Variants in WLS observed in about 807,000 individuals in gnomAD.
WLS encodes the protein protein wntless homolog.
Under a neutral mutation model 62.8 loss-of-function variants are expected in WLS, and 23 were observed. The observed-to-expected ratio is 0.37, with a 90% CI of 0.26 to 0.52. The LOEUF is 0.52. Among genes scored for constraint, WLS ranks in the 20% least tolerant of loss-of-function variants. The pLI, the probability that WLS is intolerant of heterozygous loss-of-function variation, is 0.92. For missense variants in WLS, 615 were observed against 697.3 expected, an observed-to-expected ratio of 0.88 and a Z score of 1.33; for synonymous variants, 246 against 244.1, an observed-to-expected ratio of 1.01 and a Z score of -0.07.
rs1647207853 is a variant in WLS, at chr1:68,174,759, AC to A, written c.380-15513del. Reference sequence around the variant, plus strand: ...GGTCTCTACATGCATCACTCCACACACCTGCCCCGAATGCCATCTCCTCCCT... The same window carrying A: ...GGTCTCTACATGCATCACTCCACACACTGCCCCGAATGCCATCTCCTCCCT... On this transcript the variant is annotated intron_variant, in intron 2 of 11. Coordinates refer to ENST00000262348, the MANE Select transcript of WLS (RefSeq NM_024911.7). Among the ~76,000 whole-genome samples the A allele has an allele frequency of 2.6e-5, 4 of 152,022 alleles. No homozygotes were observed. In the South Asian group the frequency reaches 8.3e-4, roughly 32 times the overall value.
intron 11 of WLS, chr1:68,127,150 GCACCACT>G (rs1646444155): frequency 2.8e-6 from 1 of 362,590 alleles, no homozygotes; most frequent in African/African-American, 2.2e-5. Context: ...AGCTATGATT[GCACCACT>G]CACTCCAGCC....
chr1:68,125,855 A>G lies in WLS; in HGVS notation c.*371T>C, dbSNP rs912489129. The G allele has an allele frequency of 1.1e-4, 111 of 1,024,162 alleles. No individual in the cohort carries two copies. Among genetic ancestry groups the G allele is most frequent in the Admixed American group, 2.7e-4 (5 of 18,644 alleles). The allele number at this position is 1,024,162 out of a possible 1,614,324, so 63.4% of individuals were successfully genotyped here. ...TATCCTAGAATTTAAAACAGGAAAA[A>G]TGTCAAATATTCCACTCCCCATTCG... is the stretch of plus-strand genomic sequence containing the variant. On this transcript the variant is annotated 3_prime_UTR_variant, in exon 12 of 12. Transcript: ENST00000262348.
intron 2 of WLS, among the ~76,000 whole-genome samples, chr1:68,165,052 G>T (rs1474763189): frequency 5.3e-5 from 8 of 152,130 alleles, no homozygotes. Flanking sequence ...CAAATCTTAG[G>T]CAATAAAGTA....
At chr1:68,168,717 T>C (rs1647100114) in intron 2 of WLS, among the ~76,000 whole-genome samples, 1 of 152,164 alleles carries the variant, frequency 6.6e-6, no homozygotes, top group Non-Finnish European at 1.5e-5. Context: ...GAGCTGCCAG[T>C]CACCAGAGTT....
chr1:68,232,306 GC>G lies in WLS; in HGVS notation c.-8del, dbSNP rs564442210. 1.3e-5 allele frequency: 21 copies of G among 1,612,424 alleles called. No homozygotes were observed. The highest frequency in any genetic ancestry group is 8.0e-5 in the African/African-American group (6 of 74,748). On this transcript the variant is annotated 5_prime_UTR_variant, in exon 1 of 12. Transcript: ENST00000262348. ...CTATAATTGCCCCAGCCATTTTTGC[GC>G]CCCCCCTTTTTCTTTTCTCCTTGAA...
chr1:68,220,806 T>C (rs1027254257), intron 1 of WLS, among the ~76,000 whole-genome samples: 1 of 152,230 alleles, frequency 6.6e-6, no homozygotes, highest in East Asian at 1.9e-4. Flanking sequence ...AAAGTAACAG[T>C]TCTGTCAAGT....
intron 2 of WLS, among the ~76,000 whole-genome samples, chr1:68,188,717 C>A (rs1246820080): frequency 6.6e-6 from 1 of 152,130 alleles, no homozygotes; most frequent in African/African-American, 2.4e-5. Context: ...AAGAGGCAGG[C>A]AGGATCAATA....
Position 68,232,247 on chromosome 1 carries a change from C to T in WLS, c.53G>A (p.Gly18Asp), listed in dbSNP as rs1405226335. Residue 18 changes from glycine (G) to aspartate (D), a missense_variant, in exon 1 of 12, where the codon GGT becomes GAT. Transcript: ENST00000262348. Reference protein sequence around the residue: ...NMSTKKLCIVGGILLVFQIIA... With the variant: ...NMSTKKLCIVDGILLVFQIIA... ...GATTTGGAACACGAGCAGAATCCCACCAACAATGCACAGCTTCTTGGTGCT... is the reference window on the plus strand; with the variant it reads ...GATTTGGAACACGAGCAGAATCCCATCAACAATGCACAGCTTCTTGGTGCT... 2.5e-6 allele frequency: 4 copies of T among 1,614,210 alleles called. No homozygotes were observed. The highest frequency in any genetic ancestry group is 3.4e-6 in the Non-Finnish European group (4 of 1,180,040).
At chr1:68,165,011 CAGAA>C (rs1340098322) in intron 2 of WLS, among the ~76,000 whole-genome samples, 26 of 152,148 alleles carry the variant, frequency 1.7e-4, no homozygotes, top group African/African-American at 5.8e-4. Context: ...CAGTGGTCAA[CAGAA>C]AGAATCAGTC....
At chr1:68,210,753 A>AAGAGG (rs1464568286) in intron 1 of WLS, among the ~76,000 whole-genome samples, 1 of 152,220 alleles carries the variant, frequency 6.6e-6, no homozygotes, top group Non-Finnish European at 1.5e-5. Context: ...TCATCACTAC[A>AAGAGG]AGAGGAGAGG....
Position 68,232,257 on chromosome 1 carries a change from A to C in WLS, c.43T>G (p.Cys15Gly), listed in dbSNP as rs1412473355. 2 of 1,614,094 alleles carry C rather than the reference A, an allele frequency of 1.2e-6. No homozygotes were observed. Among genetic ancestry groups the C allele is most frequent in the Non-Finnish European group, 1.7e-6 (2 of 1,179,994 alleles). ...IIENMSTKKL[C>G]IVGGILLVFQ... ...ACGAGCAGAATCCCACCAACAATGCACAGCTTCTTGGTGCTCATGTTTTCT... is the reference window on the plus strand; with the variant it reads ...ACGAGCAGAATCCCACCAACAATGCCCAGCTTCTTGGTGCTCATGTTTTCT... The change falls in exon 1 of 12, where the codon TGC becomes GGC. Residue 15 changes from cysteine to glycine, a missense_variant. Transcript: ENST00000262348.
In WLS at chr1:68,208,827, G is replaced by A. The variant is rs74081613; in HGVS notation, c.107-14600C>T. 8.1e-3 allele frequency among the ~76,000 whole-genome samples: 1,227 copies of A among 152,272 alleles called. 21 individuals carry two copies. Among genetic ancestry groups the A allele is most frequent in the African/African-American group, 0.028 (1,158 of 41,556 alleles). Reference sequence around the variant, plus strand: ...GAAAGGATTGATGTCTTAGAAAGGCGTGTTAGGAGTGTGGGTCTAGAATGC... The same window carrying A: ...GAAAGGATTGATGTCTTAGAAAGGCATGTTAGGAGTGTGGGTCTAGAATGC... On this transcript the variant is annotated intron_variant, in intron 1 of 11. Transcript: ENST00000262348.
At chr1:68,159,352 A>C (rs1462988346) in intron 2 of WLS, 105 bp from the exon 3 acceptor site, 7 of 1,388,298 alleles carry the variant, frequency 5.0e-6, no homozygotes, top group Non-Finnish European at 6.8e-6. Flanking sequence ...AACGAGACAA[A>C]AGGGAAATAT....
In WLS at chr1:68,118,875, C is replaced by CAAAAAAAAAAAAAAAAAAAAAAAAAAA. The variant is rs33982774; in HGVS notation, c.1510+18878_1510+18904dup. 2.3e-4 allele frequency among the ~76,000 whole-genome samples: 6 copies of CAAAAAAAAAAAAAAAAAAAAAAAAAAA among 26,390 alleles called. 2 individuals carry two copies. Among genetic ancestry groups the CAAAAAAAAAAAAAAAAAAAAAAAAAAA allele is most frequent in the African/African-American group, 3.7e-4 (3 of 8,052 alleles). The allele number at this position is 26,390 out of a possible 152,430, so 17.3% of individuals were successfully genotyped here. On this transcript the variant is annotated intron_variant, in intron 11 of 11. Coordinates refer to the WLS transcript ENST00000354777. ...CTGGGTGACGAGCAAGACTCTGTCT[C>CAAAAAAAAAAAAAAAAAAAAAAAAAAA]AAAAAAAAAAAAAAAAAAAAAAAAA...
At chr1:68,146,785 A>G (rs918011069) in intron 8 of WLS, among the ~76,000 whole-genome samples, 3 of 152,322 alleles carry the variant, frequency 2.0e-5, no homozygotes, top group Admixed American at 6.5e-5. Flanking sequence ...TGACCTGCCA[A>G]TTAGAGCCAG....
At chr1:68,212,396 A>G (rs1442436271) in intron 1 of WLS, among the ~76,000 whole-genome samples, 1 of 152,166 alleles carries the variant, frequency 6.6e-6, no homozygotes, top group Admixed American at 6.5e-5. Context: ...CCCAAATTCC[A>G]TTACTTTTAG....
intron 1 of WLS, among the ~76,000 whole-genome samples, chr1:68,197,724 T>C (rs923294435): frequency 2.6e-5 from 4 of 152,196 alleles, no homozygotes; most frequent in Non-Finnish European, 4.4e-5. Context: ...GCTGGTCACC[T>C]ACCATAGAAT....
intron 1 of WLS, chr1:68,202,712 A>C (rs189139426): frequency 1.1e-4 from 16 of 152,338 alleles, no homozygotes; most frequent in Admixed American, 1.0e-3. Context: ...TGTGGAATGC[A>C]GCCAAGACCA....
chr1:68,196,008 C>T (rs1451773035), intron 1 of WLS, among the ~76,000 whole-genome samples: 1 of 151,934 alleles, frequency 6.6e-6, no homozygotes, highest in East Asian at 1.9e-4. Flanking sequence ...ATGCATTAAA[C>T]TGTCAATTCA....
Sources: allele counts gnomAD v4.1 joint callset (sites outside exome capture counted in the v4.1 genomes callset), GRCh38; gene constraint gnomAD v4.1.1; transcripts MANE v1.5; gene names NCBI Gene and HGNC (gene_info 2026-07-23, HGNC 2026-07-21).